LUZP2: variants seen among roughly 807,000 people sequenced by gnomAD.
LUZP2 encodes leucine zipper protein 2.
LUZP2 carries 52 observed loss-of-function variants against 51.6 expected under a neutral mutation model. The observed-to-expected ratio is 1.01, with a 90% confidence interval of 0.81 to 1.27. The LOEUF (loss-of-function observed/expected upper bound fraction) is 1.27. Among genes scored for constraint, LUZP2 ranks in the 50% most tolerant of loss-of-function variants. The pLI, the probability that LUZP2 is intolerant of heterozygous loss-of-function variation, is 0.00. For synonymous variants in LUZP2, 154 were observed against 137.3 expected (o/e 1.12, Z -0.85); for missense variants, 436 against 395.4 (o/e 1.10, Z -0.87).
At chr11:24,515,241 G>GT (rs1850428641) in intron 1 of LUZP2, among the ~76,000 whole-genome samples, 1 of 152,070 alleles carries the variant, frequency 6.6e-6, no homozygotes, top group South Asian at 2.1e-4. Flanking sequence ...CATGTGTGAG[G>GT]TAAGAGGAGA....
At chr11:25,018,763 A>G (rs1857240713) in intron 9 of LUZP2, among the ~76,000 whole-genome samples, 1 of 151,964 alleles carries the variant, frequency 6.6e-6, no homozygotes, top group Admixed American at 6.6e-5. Context: ...GCATGCCACC[A>G]TGCCTGGCTA....
At chr11:25,028,246 T>C (rs1857552369) in intron 9 of LUZP2, among the ~76,000 whole-genome samples, 1 of 152,172 alleles carries the variant, frequency 6.6e-6, no homozygotes, top group Non-Finnish European at 1.5e-5. Flanking sequence ...TTTTTAAATG[T>C]GCAATAAATT....
chr11:24,662,370 G>C (rs1449809637), intron 1 of LUZP2, among the ~76,000 whole-genome samples: 1 of 151,970 alleles, frequency 6.6e-6, no homozygotes, highest in African/African-American at 2.4e-5. Flanking sequence ...CCTACACTTA[G>C]ATGTATAGAT....
At chr11:24,724,241 T>C (rs11028126) in intron 1 of LUZP2, among the ~76,000 whole-genome samples, 51,022 of 151,990 alleles carry the variant, frequency 0.34, 9,266 homozygotes, top group Non-Finnish European at 0.41. Flanking sequence ...ATTACAAATA[T>C]GGTACTCAGT....
At chr11:24,724,883 A>G (rs1266322632) in intron 1 of LUZP2, among the ~76,000 whole-genome samples, 3 of 152,216 alleles carry the variant, frequency 2.0e-5, no homozygotes, top group African/African-American at 7.2e-5. Context: ...ATCTATTTAG[A>G]CAATTAAATG....
chr11:24,799,588 C>CAAA (rs35759489), intron 5 of LUZP2, among the ~76,000 whole-genome samples: 9 of 140,862 alleles, frequency 6.4e-5, no homozygotes, highest in Middle Eastern at 7.4e-3. Flanking sequence ...AAGACTGTTT[C>CAAA]AAAAAAAAAA....
intron 4 of LUZP2, among the ~76,000 whole-genome samples, chr11:24,755,208 T>C (rs983601414): frequency 6.6e-6 from 1 of 152,070 alleles, no homozygotes; most frequent in Non-Finnish European, 1.5e-5. Flanking sequence ...CACTATCCAT[T>C]TTAGTAAAGG....
At chr11:24,943,420 C>T (rs1854810362) in intron 7 of LUZP2, among the ~76,000 whole-genome samples, 1 of 151,958 alleles carries the variant, frequency 6.6e-6, no homozygotes, top group Admixed American at 6.6e-5. Context: ...TTGTATTTGT[C>T]CAATTAATTC....
chr11:24,770,806 T>G (rs74858421), intron 5 of LUZP2, among the ~76,000 whole-genome samples: 12,193 of 152,180 alleles, frequency 0.08, 1,051 homozygotes, highest in African/African-American at 0.22. Context: ...CAAAATCGTT[T>G]GAAGAGCTAA....
chr11:24,827,552 G>C (rs1428942086), intron 5 of LUZP2, among the ~76,000 whole-genome samples: 2 of 152,004 alleles, frequency 1.3e-5, no homozygotes, highest in Admixed American at 6.6e-5. Flanking sequence ...TACATTCAAA[G>C]GTCTTGAAAC....
At chr11:24,657,898 C>A (rs2133975718) in intron 1 of LUZP2, among the ~76,000 whole-genome samples, 1 of 152,284 alleles carries the variant, frequency 6.6e-6, no homozygotes, top group Non-Finnish European at 1.5e-5. Context: ...AGGAGAACTA[C>A]AAACCACTGC....
intron 1 of LUZP2, among the ~76,000 whole-genome samples, chr11:24,569,417 G>A (rs2133795794): frequency 6.6e-6 from 1 of 152,092 alleles, no homozygotes; most frequent in South Asian, 2.1e-4. Flanking sequence ...CTTTTAAAAT[G>A]TAGACTTCTA....
chr11:24,732,313 C>T lies in LUZP2; in HGVS notation c.251+125C>T, dbSNP rs577097299. On this transcript the variant is annotated intron_variant, in intron 3 of 11. Transcript: ENST00000336930. ...ATCTTTTCACTTATACTTAAATATG[C>T]ATGCAATTCACTTGGGAATCTTGTT... The T allele has an allele frequency of 3.4e-4, 228 of 662,130 alleles. 1 individual carries two copies. The highest frequency in any genetic ancestry group is 1.9e-3 in the South Asian group (91 of 46,912). The allele number at this position is 662,130 out of a possible 1,614,324, so 41.0% of individuals were successfully genotyped here.
At chr11:25,047,999 A>G (rs1858371450) in intron 9 of LUZP2, among the ~76,000 whole-genome samples, 1 of 151,806 alleles carries the variant, frequency 6.6e-6, no homozygotes, top group African/African-American at 2.4e-5. Flanking sequence ...TTGTAGCGAC[A>G]GGAGACACAT....
At chr11:24,559,914 G>A (rs1032474588) in intron 1 of LUZP2, among the ~76,000 whole-genome samples, 4 of 152,044 alleles carry the variant, frequency 2.6e-5, no homozygotes, top group African/African-American at 4.8e-5. Context: ...TTTTAGGGAG[G>A]GTAGACCCTT....
At chr11:25,027,157 G>T (rs1187938348) in intron 9 of LUZP2, among the ~76,000 whole-genome samples, 1 of 151,926 alleles carries the variant, frequency 6.6e-6, no homozygotes, top group Non-Finnish European at 1.5e-5. Context: ...ATTAGCAAAA[G>T]AAAATAAATC....
chr11:25,054,567 C>T (rs1858619328), intron 10 of LUZP2, among the ~76,000 whole-genome samples: 1 of 152,008 alleles, frequency 6.6e-6, no homozygotes, highest in Non-Finnish European at 1.5e-5. Flanking sequence ...GTCTTTATAA[C>T]ACATTTTTAA....
intron 1 of LUZP2, among the ~76,000 whole-genome samples, chr11:24,584,231 A>G (rs1852979965): frequency 6.6e-6 from 1 of 152,240 alleles, no homozygotes; most frequent in East Asian, 1.9e-4. Flanking sequence ...GCTTCTTTGT[A>G]TCTTTTCTAC....
intron 1 of LUZP2, among the ~76,000 whole-genome samples, chr11:24,689,193 A>AT (rs1466900723): frequency 1.3e-5 from 2 of 152,164 alleles, no homozygotes; most frequent in East Asian, 1.9e-4. Flanking sequence ...TGAATTGGGG[A>AT]TTTTTTATAC....
Sources: gnomAD v4.1 joint callset for allele counts (sites outside exome capture counted in the v4.1 genomes callset) on GRCh38, gnomAD v4.1.1 for gene constraint, MANE v1.5 for transcripts, NCBI Gene and HGNC (gene_info 2026-07-23, HGNC 2026-07-21) for gene names.